KMT2E: variants seen among roughly 807,000 people sequenced by gnomAD.
KMT2E encodes histone reader KMT2E.
A neutral mutation model predicts 184.6 loss-of-function variants in KMT2E; 30 were observed. The ratio of observed to expected loss-of-function variants is 0.16; its 90% CI spans 0.12 to 0.22. KMT2E has a LOEUF of 0.22. Ranked by LOEUF, KMT2E falls within the 10% of genes least tolerant of loss-of-function variation. The probability of loss-of-function intolerance (pLI) is 1.00; values close to 1 mark genes in which losing one functional copy is unlikely to be tolerated. For missense variants in KMT2E, 2,023 were observed against 2,237.4 expected (o/e 0.90, Z 1.93); for synonymous variants, 815 against 776.5 (o/e 1.05, Z -0.82).
intron 1 of KMT2E, among the ~76,000 whole-genome samples, chr7:105,024,864 T>C (rs1259719532): frequency 6.6e-6 from 1 of 152,160 alleles, no homozygotes; most frequent in Non-Finnish European, 1.5e-5. Flanking sequence ...CAGTGTCAAA[T>C]GACAGACTCT....
chr7:105,106,195 T>G (rs1175742670), intron 19 of KMT2E, among the ~76,000 whole-genome samples, 192 bp downstream of exon 19: 1 of 152,212 alleles, frequency 6.6e-6, no homozygotes, highest in Non-Finnish European at 1.5e-5. Context: ...ATGCTGGGGT[T>G]TATGAATATT....
chr7:105,096,530 G>A (rs1364181479), intron 15 of KMT2E, among the ~76,000 whole-genome samples: 1 of 152,020 alleles, frequency 6.6e-6, no homozygotes, highest in East Asian at 1.9e-4. Context: ...AGAGATTCCT[G>A]GACTTGTCAA....
intron 3 of KMT2E, among the ~76,000 whole-genome samples, chr7:105,058,456 G>T (rs972839576): frequency 6.6e-6 from 1 of 152,158 alleles, no homozygotes; most frequent in South Asian, 2.1e-4. Context: ...AAGGGTTGCA[G>T]TTTAGTTATT....
rs756242064 is a variant in KMT2E at position 105,043,239 on chromosome 7, C to CTT, written c.71+2230_71+2231dup. The stretch of plus-strand genomic sequence containing the variant: ...CTAACTTACTTAAATTTCTTTTTTT[C>CTT]TTTTTTTTTTTTTTTGAGACGGAGT... On this transcript the variant is annotated intron_variant, in intron 3 of 26. Coordinates refer to ENST00000311117, the MANE Select transcript of KMT2E (RefSeq NM_182931.3). Among the ~76,000 whole-genome samples the CTT allele has an allele frequency of 3.1e-3, 434 of 140,240 alleles. 14 individuals are homozygous for CTT. In the East Asian group the frequency reaches 0.062, roughly 20 times the overall value. 92.0% of individuals were successfully genotyped at this position (140,240 alleles called of 152,430 possible). A position where few individuals can be genotyped will look rare whatever the true frequency, so the allele number is the denominator to read the frequency against.
intron 1 of KMT2E, among the ~76,000 whole-genome samples, chr7:105,027,393 A>C (rs1230239134): frequency 6.6e-6 from 1 of 152,124 alleles, no homozygotes; most frequent in African/African-American, 2.4e-5. Flanking sequence ...TCTCATAGCA[A>C]AGGTACTGGT....
intron 3 of KMT2E, among the ~76,000 whole-genome samples, chr7:105,048,233 C>T (rs574250393): frequency 5.3e-4 from 81 of 152,188 alleles, no homozygotes; most frequent in African/African-American, 1.8e-3. Flanking sequence ...GATAGGGTTT[C>T]ATCATGTTGT....
Position 105,106,717 on chromosome 7 carries a change from A to G in KMT2E, c.2792A>G (p.Tyr931Cys). ...TGTAGAAATGGTTATAAACCCATATATTCACCAGTTACCCCAGTAACTCCT... is the reference window on the plus strand; with the variant it reads ...TGTAGAAATGGTTATAAACCCATATGTTCACCAGTTACCCCAGTAACTCCT... ...ETCRNGYKPI[Y>C]SPVTPVTPGT... Residue 931 changes from tyrosine to cysteine, a missense_variant, in exon 20 of 27, where the codon TAT (tyrosine) becomes TGT (cysteine). Tyr to Cys is a radical substitution (Grantham distance 194). Transcript: ENST00000311117. 1 of 1,613,758 alleles carries G rather than the reference A, an allele frequency of 6.2e-7. No homozygotes were observed. The highest frequency in any genetic ancestry group is 8.5e-7 in the Non-Finnish European group (1 of 1,179,672).
In KMT2E at chr7:105,113,040, C is replaced by A; in HGVS notation, c.5284C>A (p.Pro1762Thr). The A allele has an allele frequency of 6.2e-7, 1 of 1,614,162 alleles. No individual in the cohort carries two copies. The highest frequency in any genetic ancestry group is 1.1e-5 in the South Asian group (1 of 91,074). ...SSAHPTVPPY[P>T]SQATHHTTLG... ...TGCTCATCCAACTGTACCACCGTAT[C>A]CCTCACAAGCTACACATCATACCAC... The change falls in exon 27 of 27, where the codon CCC (proline) becomes ACC (threonine). Residue 1762 changes from proline (P) to threonine (T), a missense_variant. Physicochemically the swap from Pro to Thr is conservative, Grantham distance 38. Coordinates refer to ENST00000311117, the MANE Select transcript of KMT2E (RefSeq NM_182931.3).
At chr7:105,101,289 C>A in intron 15 of KMT2E, 136 bp from the exon 16 acceptor site, 1 of 536,452 alleles carries the variant, frequency 1.9e-6, no homozygotes. Flanking sequence ...TTTTTCTCCC[C>A]ATATCCACCA....
At chr7:105,081,045 G>GA (rs1249292744) in intron 12 of KMT2E, among the ~76,000 whole-genome samples, 2 of 151,498 alleles carry the variant, frequency 1.3e-5, no homozygotes, top group Non-Finnish European at 2.9e-5. Context: ...GATGCCACCA[G>GA]TTATAAGACT....
chr7:105,103,872 C>T (rs1307535472), intron 17 of KMT2E: 3 of 146,576 alleles, frequency 2.0e-5, no homozygotes, highest in Non-Finnish European at 3.0e-5. Context: ...CTGTTGCCCA[C>T]GCTGGAGTGC....
At chr7:105,106,086 C>G in intron 19 of KMT2E, 83 bp downstream of exon 19, 3 of 1,276,408 alleles carry the variant, frequency 2.4e-6, no homozygotes, top group Non-Finnish European at 3.3e-6. Context: ...TTTCTAGTTA[C>G]TGGTATGCAC....
intron 5 of KMT2E, chr7:105,064,078 T>C: frequency 2.3e-6 from 1 of 433,172 alleles, no homozygotes; most frequent in Non-Finnish European, 4.6e-6. Flanking sequence ...CCCCCAACCC[T>C]GGTTCAGCCA....
Position 105,112,478 on chromosome 7 carries a change from T to C in KMT2E, c.4722T>C (p.Gly1574=). 1 of 1,613,874 alleles carries C rather than the reference T, an allele frequency of 6.2e-7. No homozygotes were observed. Among genetic ancestry groups the C allele is most frequent in the Non-Finnish European group, 8.5e-7 (1 of 1,180,004 alleles). The change falls in exon 27 of 27, where the codon GGT becomes GGC. Residue 1574 remains glycine (G), a synonymous_variant. Transcript: ENST00000311117. ...ANFQNYNQLK[G]SLSQQTVFTS... is the part of the protein sequence containing the mutation. ...TTCAGAATTATAATCAGCTCAAAGGTAGTCTTTCTCAACAAACTGTGTTTA... is the reference window on the plus strand; with the variant it reads ...TTCAGAATTATAATCAGCTCAAAGGCAGTCTTTCTCAACAAACTGTGTTTA...
chr7:105,068,260 C>CT lies in KMT2E; in HGVS notation c.497+1464dup, dbSNP rs949374428. On this transcript the variant is annotated intron_variant, in intron 6 of 26. Transcript: ENST00000311117. Reference sequence around the variant, plus strand: ...GCTTGATCAGATTTAGGTTCAATTTCTTTTTTTTTTTAATAAGACTATTTT... The same window carrying CT: ...GCTTGATCAGATTTAGGTTCAATTTCTTTTTTTTTTTTAATAAGACTATTTT... Among the ~76,000 whole-genome samples the CT allele has an allele frequency of 4.1e-3, 591 of 144,118 alleles. 3 individuals carry two copies. The highest frequency in any genetic ancestry group is 0.013 in the African/African-American group (525 of 39,298). 94.5% of individuals were successfully genotyped at this position (144,118 alleles called of 152,430 possible). A position where few individuals can be genotyped will look rare whatever the true frequency, so the allele number is the denominator to read the frequency against.
intron 1 of KMT2E, among the ~76,000 whole-genome samples, chr7:105,020,283 G>A (rs937105582): frequency 6.6e-6 from 1 of 152,008 alleles, no homozygotes. Context: ...TTTGGTTTGT[G>A]GTACTTACAA....
chr7:105,054,492 CTATCTATCTAT>C (rs1796490054), intron 3 of KMT2E, among the ~76,000 whole-genome samples: 1 of 150,856 alleles, frequency 6.6e-6, no homozygotes, highest in South Asian at 2.1e-4. Context: ...ATCTATCTAT[CTATCTATCTAT>C]CTATCTATCT....
chr7:105,107,971 T>TTC (rs758106069), intron 22 of KMT2E, 46 bp downstream of exon 22: 9 of 1,359,950 alleles, frequency 6.6e-6, no homozygotes, highest in South Asian at 1.5e-5. Context: ...TTTTTTTTTT[T>TTC]TTTTCATAAT....
chr7:105,019,157 A>G (rs1377791772), intron 1 of KMT2E, among the ~76,000 whole-genome samples: 2 of 152,182 alleles, frequency 1.3e-5, no homozygotes, highest in Non-Finnish European at 2.9e-5. Context: ...GGTGACCCAG[A>G]GTAAGTTAAT....
Sources: allele counts gnomAD v4.1 joint callset (sites outside exome capture counted in the v4.1 genomes callset), GRCh38; gene constraint gnomAD v4.1.1; transcripts MANE v1.5; gene names NCBI Gene and HGNC (gene_info 2026-07-23, HGNC 2026-07-21).